BBS9: variants seen among roughly 807,000 people sequenced by gnomAD.
BBS9 encodes the protein protein PTHB1.
In BBS9, 89 loss-of-function variants were observed where a neutral mutation model predicts 117.7. The observed-to-expected ratio is 0.76, with a 90% CI of 0.64 to 0.90. BBS9 has a LOEUF of 0.90. BBS9 is among the 40% of genes least tolerant of loss of function. BBS9 has a pLI of 0.00. For missense variants in BBS9, 982 were observed against 1,042.2 expected (o/e 0.94, Z 0.80); for synonymous variants, 379 against 370.9 (o/e 1.02, Z -0.25).
intron 19 of BBS9, among the ~76,000 whole-genome samples, chr7:33,391,142 C>A (rs947406432): frequency 6.6e-6 from 1 of 152,060 alleles, no homozygotes; most frequent in Admixed American, 6.5e-5. Flanking sequence ...TATCACATAC[C>A]TTCTGTTCAG....
rs370916293 is a variant in BBS9 at position 33,152,855 on chromosome 7, A to C, written c.263+4A>C. 2 of 1,613,802 alleles carry C rather than the reference A, an allele frequency of 1.2e-6. No individual in the cohort carries two copies. The highest frequency in any genetic ancestry group is 2.7e-5 in the African/African-American group (2 of 74,916). ...TGGAAGTAGGAAAGTTTGTTTCGTA[A>C]GTAAGCCCACTAATTCTGGTATTTT... On this transcript the variant is annotated splice_donor_region_variant and intron_variant, in intron 3 of 22. Transcript: ENST00000242067.
intron 19 of BBS9, among the ~76,000 whole-genome samples, chr7:33,460,491 G>A (rs1340122027): frequency 6.6e-6 from 1 of 151,796 alleles, no homozygotes; most frequent in Non-Finnish European, 1.5e-5. Flanking sequence ...TATTTTTTAT[G>A]TACTGAAAAA....
chr7:33,403,842 G>T (rs1421379761), intron 19 of BBS9, among the ~76,000 whole-genome samples: 2 of 152,050 alleles, frequency 1.3e-5, no homozygotes, highest in African/African-American at 2.4e-5. Context: ...GTAATGGGAT[G>T]GCTGGGTCAA....
chr7:33,190,582 C>CT (rs1218943464), intron 5 of BBS9, among the ~76,000 whole-genome samples: 7 of 152,180 alleles, frequency 4.6e-5, no homozygotes, highest in Admixed American at 4.6e-4. Flanking sequence ...TGGTTTCTCT[C>CT]TTTTCATCTC....
chr7:33,409,083 T>G (rs570251692), intron 19 of BBS9, among the ~76,000 whole-genome samples: 2 of 152,274 alleles, frequency 1.3e-5, no homozygotes, highest in East Asian at 3.9e-4. Context: ...TCGTTTACAT[T>G]CCTTTATCTC....
chr7:33,321,696 T>C (rs1241208767), intron 9 of BBS9, among the ~76,000 whole-genome samples: 35 of 152,126 alleles, frequency 2.3e-4, no homozygotes, highest in Admixed American at 2.2e-3. Context: ...TCTTCCAATT[T>C]TGGATGAACT....
At chr7:33,561,342 A>G (rs901329544) in intron 21 of BBS9, among the ~76,000 whole-genome samples, 2 of 152,196 alleles carry the variant, frequency 1.3e-5, no homozygotes, top group Non-Finnish European at 2.9e-5. Flanking sequence ...TTCTTCATGC[A>G]TAAGTTTAAT....
chr7:33,244,064 A>G (rs1794950185), intron 5 of BBS9, among the ~76,000 whole-genome samples: 1 of 152,046 alleles, frequency 6.6e-6, no homozygotes, highest in Non-Finnish European at 1.5e-5. Context: ...CCCTGTCTCT[A>G]ATAAAAAATA....
At chr7:33,555,480 A>C (rs954196635) in intron 21 of BBS9, among the ~76,000 whole-genome samples, 1 of 152,202 alleles carries the variant, frequency 6.6e-6, no homozygotes, top group Non-Finnish European at 1.5e-5. Flanking sequence ...AAATGAGAGA[A>C]ATAGTATGAA....
chr7:33,508,572 G>A (rs1178649434), intron 20 of BBS9, among the ~76,000 whole-genome samples: 1 of 152,182 alleles, frequency 6.6e-6, no homozygotes, highest in Non-Finnish European at 1.5e-5. Context: ...AGGAGAAAGG[G>A]GGCATGCATA....
At chr7:33,551,934 G>C (rs1265097206) in intron 21 of BBS9, among the ~76,000 whole-genome samples, 1 of 151,914 alleles carries the variant, frequency 6.6e-6, no homozygotes, top group East Asian at 1.9e-4. Flanking sequence ...TTATAGTTTA[G>C]TTTATTACTG....
At chr7:33,354,975 A>C in intron 15 of BBS9, among the ~76,000 whole-genome samples, 1 of 152,048 alleles carries the variant, frequency 6.6e-6, no homozygotes. Flanking sequence ...ATATTGGAGT[A>C]AAATAAATGA....
intron 19 of BBS9, among the ~76,000 whole-genome samples, chr7:33,479,736 G>A (rs116044346): frequency 7.9e-4 from 120 of 152,178 alleles, no homozygotes; most frequent in African/African-American, 2.7e-3. Flanking sequence ...GTATATAAGC[G>A]TTCCTTTTCT....
At chr7:33,402,058 T>C (rs1829003657) in intron 19 of BBS9, among the ~76,000 whole-genome samples, 1 of 152,200 alleles carries the variant, frequency 6.6e-6, no homozygotes, top group Non-Finnish European at 1.5e-5. Context: ...ATCCAGGCCA[T>C]GGTCCCAAGG....
intron 20 of BBS9, chr7:33,533,597 C>A: frequency 1.1e-5 from 3 of 263,746 alleles, no homozygotes; most frequent in Non-Finnish European, 2.2e-5. Context: ...GCAGCTTTAC[C>A]CACCAGATCA....
At chr7:33,362,235 A>C (rs1820753722) in intron 16 of BBS9, among the ~76,000 whole-genome samples, 1 of 152,154 alleles carries the variant, frequency 6.6e-6, no homozygotes, top group Non-Finnish European at 1.5e-5. Flanking sequence ...TGATTGTCTT[A>C]ACAGAATCTT....
At chr7:33,399,940 T>A (rs1828639836) in intron 19 of BBS9, among the ~76,000 whole-genome samples, 1 of 152,124 alleles carries the variant, frequency 6.6e-6, no homozygotes, top group Admixed American at 6.6e-5. Context: ...GAAAACATTC[T>A]CCTTTTAATA....
At position 33,265,179 on chromosome 7, in the gene BBS9, C is replaced by G. The variant is rs138770662; in HGVS notation, c.702+805C>G. On this transcript the variant is annotated intron_variant, in intron 7 of 22. Coordinates refer to ENST00000242067, the MANE Select transcript of BBS9 (RefSeq NM_198428.3). ...AATCTGAGGATACACAAGAAGGAAG[C>G]TAAATGGAGAAATAATGTAGAATTT... 1.1e-3 allele frequency among the ~76,000 whole-genome samples: 171 copies of G among 152,096 alleles called. 3 individuals carry two copies. In the East Asian group the frequency reaches 0.031, roughly 27 times the overall value.
chr7:33,313,675 G>T (rs1160656705), intron 9 of BBS9, among the ~76,000 whole-genome samples: 1 of 152,132 alleles, frequency 6.6e-6, no homozygotes, highest in Admixed American at 6.6e-5. Flanking sequence ...AATTCTTGCT[G>T]CTTTGATATC....
Sources: allele counts gnomAD v4.1 joint callset (sites outside exome capture counted in the v4.1 genomes callset), GRCh38; gene constraint gnomAD v4.1.1; transcripts MANE v1.5; gene names NCBI Gene and HGNC (gene_info 2026-07-23, HGNC 2026-07-21).